The following ANKRD6 variants were observed in gnomAD, a reference collection of about 807,000 sequenced individuals.
ANKRD6 encodes the protein ankyrin repeat domain 6.
Under a neutral mutation model 82.3 loss-of-function variants are expected in ANKRD6, and 56 were observed. That is an observed-to-expected ratio of 0.68 (90% CI 0.55 to 0.85). The LOEUF (loss-of-function observed/expected upper bound fraction) is 0.85, where lower values mean the gene tolerates loss of function less well. Among genes scored for constraint, ANKRD6 ranks in the 40% least tolerant of loss-of-function variants. The pLI is 0.00. For missense variants in ANKRD6, 852 were observed against 907.6 expected, an observed-to-expected ratio of 0.94 and a Z score of 0.79; for synonymous variants, 347 against 352.1, an observed-to-expected ratio of 0.99 and a Z score of 0.16.
At chr6:89,534,535 AG>A (rs1343743289) in intron 1 of ANKRD6, among the ~76,000 whole-genome samples, 2 of 152,072 alleles carry the variant, frequency 1.3e-5, no homozygotes, top group African/African-American at 4.8e-5. Flanking sequence ...TTTTGTGGAT[AG>A]GGTGATCATT....
chr6:89,441,620 CT>C (rs71556522), intron 1 of ANKRD6, among the ~76,000 whole-genome samples: 755 of 80,408 alleles, frequency 9.4e-3, no homozygotes, highest in African/African-American at 0.021. Context: ...CTTTTCTTTC[CT>C]TTTTTTTTTT....
At chr6:89,546,350 C>G (rs1042734941) in intron 1 of ANKRD6, among the ~76,000 whole-genome samples, 1 of 152,100 alleles carries the variant, frequency 6.6e-6, no homozygotes, top group Non-Finnish European at 1.5e-5. Context: ...CAGAATCTTT[C>G]ATATATATGT....
chr6:89,586,683 T>A (rs1793751999), intron 2 of ANKRD6, among the ~76,000 whole-genome samples: 1 of 151,548 alleles, frequency 6.6e-6, no homozygotes, highest in African/African-American at 2.4e-5. Flanking sequence ...CAAGACTGTC[T>A]TGGGGGAGAA....
At chr6:89,501,035 A>T (rs999384052) in intron 1 of ANKRD6, among the ~76,000 whole-genome samples, 1 of 147,698 alleles carries the variant, frequency 6.8e-6, no homozygotes, top group Non-Finnish European at 1.5e-5. Flanking sequence ...TCTGAAAGAC[A>T]CTTTGGTAGG....
chr6:89,630,371 C>G, intron 15 of ANKRD6, 62 bp from the exon 16 acceptor site: 1 of 1,542,952 alleles, frequency 6.5e-7, no homozygotes, highest in Non-Finnish European at 8.7e-7. Flanking sequence ...AATACTGACC[C>G]GCAGCCATAT....
At chr6:89,594,900 G>A (rs1021236235) in intron 2 of ANKRD6, among the ~76,000 whole-genome samples, 11 of 152,052 alleles carry the variant, frequency 7.2e-5, no homozygotes, top group Admixed American at 5.2e-4. Flanking sequence ...ATGCCACTGT[G>A]CCCAGCTAAT....
At position 89,616,616 on chromosome 6, in the gene ANKRD6, A is replaced by C. The variant is rs1801649840; in HGVS notation, c.673A>C (p.Ile225Leu). The stretch of plus-strand genomic sequence containing the variant: ...CCTAAATCACAAGAAGGTGGCCAAA[A>C]TCTTACTGGAAGCCGGAGCAGATAC... ...AALNHKKVAK[I>L]LLEAGADTTI... Residue 225 changes from isoleucine to leucine, a missense_variant, in exon 8 of 16, where the codon ATC becomes CTC. Physicochemically the swap from Ile to Leu is conservative, Grantham distance 5. Transcript: ENST00000339746. The C allele has an allele frequency of 6.2e-7, 1 of 1,613,930 alleles. No homozygotes were observed. Among genetic ancestry groups the C allele is most frequent in the Admixed American group, 1.7e-5 (1 of 60,008 alleles).
At position 89,451,432 on chromosome 6, in the gene ANKRD6, A is replaced by G. The variant is rs547105816; in HGVS notation, c.-144+18057A>G. Among the ~76,000 whole-genome samples the G allele has an allele frequency of 8.9e-4, 136 of 152,340 alleles. 1 individual carries two copies. Among genetic ancestry groups the G allele is most frequent in the South Asian group, 2.5e-3 (12 of 4,826 alleles). On this transcript the variant is annotated intron_variant, in intron 1 of 15. Coordinates refer to ENST00000339746, the MANE Select transcript of ANKRD6 (RefSeq NM_001242809.2). ...TTTGCAAAATAAACAGCCATCTTCT[A>G]TTATTAAAATGGTAGCTCTGTATCA...
intron 1 of ANKRD6, among the ~76,000 whole-genome samples, chr6:89,537,579 TATATA>T (rs1783983414): frequency 6.6e-6 from 1 of 151,690 alleles, no homozygotes; most frequent in African/African-American, 2.4e-5. Context: ...TCTGAATTAT[TATATA>T]ATTATAATAT....
intron 1 of ANKRD6, among the ~76,000 whole-genome samples, chr6:89,559,885 G>A (rs1271599078): frequency 1.3e-5 from 2 of 152,142 alleles, no homozygotes; most frequent in Non-Finnish European, 2.9e-5. Context: ...ATTTGGAAAG[G>A]AAAAAGATTA....
intron 1 of ANKRD6, among the ~76,000 whole-genome samples, chr6:89,547,884 A>G (rs1785316418): frequency 6.6e-6 from 1 of 152,156 alleles, no homozygotes. Context: ...TCTCACAGTA[A>G]CCATATCAAT....
chr6:89,626,741 C>T (rs1364848478), intron 13 of ANKRD6, among the ~76,000 whole-genome samples: 2 of 152,190 alleles, frequency 1.3e-5, no homozygotes, highest in African/African-American at 4.8e-5. Flanking sequence ...GTTTGGCCCT[C>T]CTAGGTGTAG....
chr6:89,582,232 G>A (rs755320565), intron 2 of ANKRD6, among the ~76,000 whole-genome samples: 1 of 152,122 alleles, frequency 6.6e-6, no homozygotes, highest in Middle Eastern at 3.2e-3. Context: ...TGTAGAGATG[G>A]TGGGGGTGGA....
chr6:89,583,523 G>A (rs1018349083), intron 2 of ANKRD6, among the ~76,000 whole-genome samples: 5 of 152,168 alleles, frequency 3.3e-5, no homozygotes, highest in African/African-American at 1.2e-4. Flanking sequence ...GTCCCTAGGA[G>A]ATGCTCTTTG....
intron 1 of ANKRD6, among the ~76,000 whole-genome samples, chr6:89,489,247 C>T (rs1244988544): frequency 1.3e-5 from 2 of 152,224 alleles, no homozygotes; most frequent in Non-Finnish European, 2.9e-5. Context: ...CCTGAACCGG[C>T]TGCTGCAGCT....
chr6:89,445,264 CTTTTTTTTTTTTT>C (rs1227274602), intron 1 of ANKRD6, among the ~76,000 whole-genome samples: 7 of 64,090 alleles, frequency 1.1e-4, no homozygotes, highest in South Asian at 5.8e-4. Context: ...AGAGATCTTT[CTTTTTTTTTTTTT>C]TTTTTTTTTT....
At chr6:89,469,603 CA>C (rs948636230) in intron 1 of ANKRD6, among the ~76,000 whole-genome samples, 1 of 152,204 alleles carries the variant, frequency 6.6e-6, no homozygotes, top group Non-Finnish European at 1.5e-5. Context: ...CATATCTGTG[CA>C]GAGAAATCTG....
intron 3 of ANKRD6, chr6:89,602,108 T>C (rs1160846007): frequency 6.6e-6 from 1 of 152,260 alleles, no homozygotes; most frequent in Non-Finnish European, 1.5e-5. Flanking sequence ...CCTGACCCCT[T>C]GTCTCGTGCT....
chr6:89,592,836 C>G (rs529353929), intron 2 of ANKRD6, among the ~76,000 whole-genome samples: 1 of 152,122 alleles, frequency 6.6e-6, no homozygotes, highest in African/African-American at 2.4e-5. Flanking sequence ...CACCTGTAAT[C>G]CCAGCACTTT....
Sources: allele counts gnomAD v4.1 joint callset (sites outside exome capture counted in the v4.1 genomes callset), GRCh38; gene constraint gnomAD v4.1.1; transcripts MANE v1.5; gene names NCBI Gene and HGNC (gene_info 2026-07-23, HGNC 2026-07-21).